RAD18: variants seen among roughly 807,000 people sequenced by gnomAD.
RAD18 encodes the protein RAD18 E3 ubiquitin protein ligase, also known as E3 ubiquitin-protein ligase RAD18.
Under a neutral mutation model 60.4 loss-of-function variants are expected in RAD18, and 47 were observed. The ratio of observed to expected loss-of-function variants is 0.78; its 90% CI spans 0.62 to 0.99. The LOEUF is 0.99. Ranked by LOEUF, RAD18 falls within the 50% of genes least tolerant of loss-of-function variation. The probability of loss-of-function intolerance (pLI) is 0.00; values close to 1 mark genes in which losing one functional copy is unlikely to be tolerated. For synonymous variants in RAD18, 225 were observed against 195.5 expected (o/e 1.15, Z -1.26); for missense variants, 640 against 593.3 (o/e 1.08, Z -0.82).
chr3:8,913,477 T>C (rs1009999488), intron 8 of RAD18, among the ~76,000 whole-genome samples, 167 bp downstream of exon 8: 1 of 152,224 alleles, frequency 6.6e-6, no homozygotes, highest in Non-Finnish European at 1.5e-5. Flanking sequence ...AGAAGACTGC[T>C]AAGTACAATC....
chr3:8,917,107 G>A (rs1425457080), intron 7 of RAD18, among the ~76,000 whole-genome samples: 4 of 151,930 alleles, frequency 2.6e-5, no homozygotes, highest in African/African-American at 9.7e-5. Flanking sequence ...GAAAAATCAA[G>A]AATTACATTA....
intron 7 of RAD18, among the ~76,000 whole-genome samples, chr3:8,923,271 A>T (rs1045669614): frequency 6.6e-6 from 1 of 152,268 alleles, no homozygotes; most frequent in African/African-American, 2.4e-5. Context: ...ACGAATGCAC[A>T]AGCCTCAGTA....
chr3:8,912,390 A>G lies in RAD18; in HGVS notation c.967-18T>C, dbSNP rs1254112231. 1.3e-6 allele frequency: 2 copies of G among 1,496,340 alleles called. No homozygotes were observed. Among genetic ancestry groups the G allele is most frequent in the Non-Finnish European group, 1.8e-6 (2 of 1,107,300 alleles). The allele number at this position is 1,496,340 out of a possible 1,614,324, so 92.7% of individuals were successfully genotyped here. On this transcript the variant is annotated intron_variant, in intron 8 of 12. Coordinates refer to ENST00000264926, the MANE Select transcript of RAD18 (RefSeq NM_020165.4). ...ACCATTACCTAAAATAATCAAAAAA[A>G]GACCTTAATAAAAATCTCCCCAAAA...
chr3:8,958,142 G>A (rs772827659), intron 2 of RAD18, among the ~76,000 whole-genome samples: 5 of 152,172 alleles, frequency 3.3e-5, no homozygotes, highest in Non-Finnish European at 5.9e-5. Flanking sequence ...TGCAATGCCC[G>A]TGCTGCCGTC....
chr3:8,913,484 A>G (rs181191172), intron 8 of RAD18, among the ~76,000 whole-genome samples, 160 bp downstream of exon 8: 169 of 152,366 alleles, frequency 1.1e-3, no homozygotes, highest in Non-Finnish European at 1.7e-3. Context: ...TGCTAAGTAC[A>G]ATCAAATATT....
Position 8,947,276 on chromosome 3 carries a change from CG to C in RAD18, c.209del (p.Pro70ArgfsTer3). The C allele has an allele frequency of 6.2e-7, 1 of 1,608,932 alleles. No individual in the cohort carries two copies. The highest frequency in any genetic ancestry group is 2.2e-5 in the East Asian group (1 of 44,766). On this transcript the variant is annotated frameshift_variant, in exon 4 of 13. Coordinates refer to ENST00000264926, the MANE Select transcript of RAD18 (RefSeq NM_020165.4). LOFTEE classifies it high-confidence loss of function. ...CPTCCVTVTE[P>X]DLKNNRILDE... is the part of the protein sequence containing the mutation. ...CTAATATGCGGTTATTTTTCAGATCCGGCTCTGTGACAGTCTAGAAAAAACA... is the reference window on the plus strand; with the variant it reads ...CTAATATGCGGTTATTTTTCAGATCCGCTCTGTGACAGTCTAGAAAAAACA...
At chr3:8,948,324 A>G (rs557029452) in intron 3 of RAD18, among the ~76,000 whole-genome samples, 185 bp downstream of exon 3, 1 of 152,214 alleles carries the variant, frequency 6.6e-6, no homozygotes, top group African/African-American at 2.4e-5. Flanking sequence ...AAATCTTAAC[A>G]AAAAAACTGA....
At chr3:8,946,051 G>A (rs139549424) in intron 4 of RAD18, among the ~76,000 whole-genome samples, 233 of 55,524 alleles carry the variant, frequency 4.2e-3, no homozygotes, top group Non-Finnish European at 6.9e-3. Flanking sequence ...CTACAGTAGT[G>A]TATGGTAAGG....
At chr3:8,927,453 C>A (rs1176708488) in intron 7 of RAD18, among the ~76,000 whole-genome samples, 1 of 152,218 alleles carries the variant, frequency 6.6e-6, no homozygotes, top group Non-Finnish European at 1.5e-5. Flanking sequence ...CACTTTTACA[C>A]TGTTGGTGGG....
chr3:8,917,586 T>C (rs534227787), intron 7 of RAD18, among the ~76,000 whole-genome samples: 6 of 152,130 alleles, frequency 3.9e-5, no homozygotes, highest in South Asian at 4.1e-4. Flanking sequence ...CTGTAACTAA[T>C]GAAAGATGTA....
At chr3:8,902,667 G>A (rs2125051232) in intron 9 of RAD18, 147 bp from the exon 10 acceptor site, 3 of 728,244 alleles carry the variant, frequency 4.1e-6, no homozygotes, top group Admixed American at 3.6e-5. Context: ...TGAAGTGAAT[G>A]GATCACTTGT....
intron 10 of RAD18, among the ~76,000 whole-genome samples, chr3:8,899,883 T>C (rs1201734996): frequency 6.6e-6 from 1 of 152,184 alleles, no homozygotes; most frequent in Non-Finnish European, 1.5e-5. Context: ...ACAGAGCTCC[T>C]TTCATGTGTT....
intron 4 of RAD18, among the ~76,000 whole-genome samples, chr3:8,942,287 G>A (rs1223445963): frequency 1.3e-5 from 2 of 152,136 alleles, no homozygotes; most frequent in African/African-American, 4.8e-5. Flanking sequence ...TTAAAAGGGT[G>A]TGGCACCTCC....
intron 7 of RAD18, among the ~76,000 whole-genome samples, chr3:8,916,411 G>C (rs372202571): frequency 2.8e-4 from 42 of 152,326 alleles, no homozygotes; most frequent in African/African-American, 9.9e-4. Context: ...AACATGGAGA[G>C]AGACCCTCTC....
intron 4 of RAD18, among the ~76,000 whole-genome samples, chr3:8,943,869 T>C (rs949299209): frequency 7.9e-5 from 12 of 151,800 alleles, no homozygotes; most frequent in Admixed American, 7.2e-4. Flanking sequence ...TTATTGAAAA[T>C]AGAAAAAGTA....
intron 7 of RAD18, among the ~76,000 whole-genome samples, chr3:8,930,591 T>A (rs500064): frequency 0.83 from 126,924 of 152,168 alleles, 53,170 homozygotes; most frequent in South Asian, 0.9. Flanking sequence ...AACTGATTAA[T>A]ACTCAATGTT....
chr3:8,892,608 T>C (rs1378373366), intron 11 of RAD18, among the ~76,000 whole-genome samples: 1 of 152,202 alleles, frequency 6.6e-6, no homozygotes, highest in Non-Finnish European at 1.5e-5. Context: ...ATGCACACCT[T>C]GGCCAAGCTG....
intron 2 of RAD18, among the ~76,000 whole-genome samples, chr3:8,956,435 G>T (rs1358652745): frequency 6.6e-6 from 1 of 152,146 alleles, no homozygotes. Context: ...GGGCAGGACG[G>T]CACAAGATTT....
In RAD18 at chr3:8,950,778, G is replaced by A. The variant is rs545156427; in HGVS notation, c.134-2208C>T. Reference sequence around the variant, plus strand: ...GCTAAGGGCTCTAATGGAAAAAGTAGACAACATGCAAGAACAGATGGGAAC... The same window carrying A: ...GCTAAGGGCTCTAATGGAAAAAGTAAACAACATGCAAGAACAGATGGGAAC... On this transcript the variant is annotated intron_variant, in intron 2 of 12. Coordinates refer to ENST00000264926, the MANE Select transcript of RAD18 (RefSeq NM_020165.4). Among the ~76,000 whole-genome samples, 7 of 152,268 alleles carry A rather than the reference G, an allele frequency of 4.6e-5. No individual in the cohort carries two copies. In the East Asian group the frequency reaches 1.3e-3, roughly 29 times the overall value.
Sources: gnomAD v4.1 joint callset for allele counts (sites outside exome capture counted in the v4.1 genomes callset) on GRCh38, gnomAD v4.1.1 for gene constraint, MANE v1.5 for transcripts, NCBI Gene and HGNC (gene_info 2026-07-23, HGNC 2026-07-21) for gene names.